ABHD8: variants seen among roughly 807,000 people sequenced by gnomAD.
The protein encoded by ABHD8 is protein ABHD8.
A neutral mutation model predicts 29.3 loss-of-function variants in ABHD8; 10 were observed. The ratio of observed to expected loss-of-function variants is 0.34; its 90% confidence interval spans 0.21 to 0.58. The LOEUF (loss-of-function observed/expected upper bound fraction) is 0.58, where lower values mean the gene tolerates loss of function less well. Among genes scored for constraint, ABHD8 ranks in the 20% least tolerant of loss-of-function variants. The pLI, the probability that ABHD8 is intolerant of heterozygous loss-of-function variation, is 0.85. For missense variants in ABHD8, 556 were observed against 615.3 expected, an observed-to-expected ratio of 0.90 and a Z score of 1.02; for synonymous variants, 282 against 274.6, an observed-to-expected ratio of 1.03 and a Z score of -0.27.
At position 17,294,415 on chromosome 19, in the gene ABHD8, A is replaced by G. The variant is rs754597785; in HGVS notation, c.1022T>C (p.Met341Thr). ...CTCGGGCCAGTACTGGCCGCTCATCATGGCCCGGAGTACGAAGGATGACAC... is the reference window on the plus strand; with the variant it reads ...CTCGGGCCAGTACTGGCCGCTCATCGTGGCCCGGAGTACGAAGGATGACAC... ...FNVSSFVLRAMMSGQYWPEGD... is the reference protein window; with the variant it reads ...FNVSSFVLRATMSGQYWPEGD... Residue 341 changes from methionine to threonine, a missense_variant, in exon 4 of 5, where the codon ATG (methionine) becomes ACG (threonine). By Grantham distance (81) the Met-to-Thr change is moderately conservative (BLOSUM62 -1). This residue lies in a region of ABHD8 where 270 missense variants were observed against 353.9 expected (regional missense o/e 0.76). Transcript: ENST00000247706. The G allele has an allele frequency of 6.2e-7, 1 of 1,614,054 alleles. No homozygotes were observed. Among genetic ancestry groups the G allele is most frequent in the Non-Finnish European group, 8.5e-7 (1 of 1,180,000 alleles).
intron 2 of ABHD8, chr19:17,298,243 C>T (rs1054088656): frequency 1.3e-5 from 2 of 152,044 alleles, no homozygotes; most frequent in Admixed American, 1.3e-4. Context: ...ATTGCATAGG[C>T]TAGAATCTCT....
At chr19:17,293,996 TC>T (rs1484925465) in intron 4 of ABHD8, among the ~76,000 whole-genome samples, 1 of 152,122 alleles carries the variant, frequency 6.6e-6, no homozygotes, top group African/African-American at 2.4e-5. Flanking sequence ...ATACAAATCC[TC>T]CGCTGTGAGG....
chr19:17,292,727 C>G lies in ABHD8; in HGVS notation c.1254G>C (p.Trp418Cys). The G allele has an allele frequency of 6.2e-7, 1 of 1,613,764 alleles. No homozygotes were observed. The highest frequency in any genetic ancestry group is 1.1e-5 in the South Asian group (1 of 90,994). ...GAGCCTTGGGCGAGGGCTCGGGCTCCCAGAGCAGGAATTCGTGGAGCAGCG... is the reference window on the plus strand; with the variant it reads ...GAGCCTTGGGCGAGGGCTCGGGCTCGCAGAGCAGGAATTCGTGGAGCAGCG... The part of the protein sequence containing the change: ...VNTLLHEFLL[W>C]EPEPSPKALP... The change falls in exon 5 of 5, where the codon TGG becomes TGC. Residue 418 changes from tryptophan (W) to cysteine (C), a missense_variant. Physicochemically the swap from Trp to Cys is radical, Grantham distance 215 (BLOSUM62 -2). Transcript: ENST00000247706.
intron 3 of ABHD8, 50 bp from the exon 4 acceptor site, chr19:17,294,554 C>T (rs764761766): frequency 1.2e-6 from 2 of 1,611,372 alleles, no homozygotes; most frequent in South Asian, 1.1e-5. Flanking sequence ...GCCCGACTGC[C>T]GTGGGGTGCC....
intron 2 of ABHD8, among the ~76,000 whole-genome samples, chr19:17,300,019 C>T (rs2074110495): frequency 6.6e-6 from 1 of 151,760 alleles, no homozygotes; most frequent in South Asian, 2.1e-4. Flanking sequence ...ATTCTCCTGC[C>T]TCAGCCTCCC....
chr19:17,294,907 G>A (rs1320860115), intron 2 of ABHD8, 62 bp from the exon 3 acceptor site: 4 of 1,570,224 alleles, frequency 2.5e-6, no homozygotes, highest in South Asian at 2.3e-5. Flanking sequence ...GATACAAGCA[G>A]TGACCATTTT....
rs2074119114 is a variant in ABHD8, at chr19:17,301,565, G to A, written c.52C>T (p.Pro18Ser). The A allele has an allele frequency of 1.3e-6, 2 of 1,598,822 alleles. No individual in the cohort carries two copies. The highest frequency in any genetic ancestry group is 1.7e-6 in the Non-Finnish European group (2 of 1,171,850). ...CTCTCCAGTGGCCCCACGGCGTTGG[G>A]GGGCGTGCCCAGCAGGCAACAGAAG... ...GIFCCLLGTP[P>S]NAVGPLESVE... The change falls in exon 2 of 5, where the codon CCC becomes TCC. Residue 18 changes from proline (P) to serine (S), a missense_variant. This residue lies in a region of ABHD8 where 286 missense variants were observed against 261.4 expected (regional missense o/e 1.09). Coordinates refer to ENST00000247706, the MANE Select transcript of ABHD8 (RefSeq NM_024527.5).
In ABHD8 at chr19:17,292,555, G is replaced by A. The variant is rs2074075356; in HGVS notation, c.*106C>T. Reference sequence around the variant, plus strand: ...TCTCCCTGACCTGGCCCCGCCCACCGGAGCGAACGGCCCGCCCAGGTGGTC... The same window carrying A: ...TCTCCCTGACCTGGCCCCGCCCACCAGAGCGAACGGCCCGCCCAGGTGGTC... On this transcript the variant is annotated 3_prime_UTR_variant, in exon 5 of 5. Coordinates refer to ENST00000247706, the MANE Select transcript of ABHD8 (RefSeq NM_024527.5). The A allele has an allele frequency of 7.6e-7, 1 of 1,308,844 alleles. No homozygotes were observed. Among genetic ancestry groups the A allele is most frequent in the Non-Finnish European group, 1.0e-6 (1 of 1,000,268 alleles). The allele number at this position is 1,308,844 out of a possible 1,614,324, so 81.1% of individuals were successfully genotyped here.
At chr19:17,301,689 GCACT>G in intron 1 of ABHD8, 65 bp from the exon 2 acceptor site, 1 of 1,449,194 alleles carries the variant, frequency 6.9e-7, no homozygotes, top group South Asian at 1.5e-5. Flanking sequence ...CGTGCAGCAG[GCACT>G]CCCTGAGCCT....
At position 17,301,162 on chromosome 19, in the gene ABHD8, C is replaced by T. The variant is rs2145659570; in HGVS notation, c.455G>A (p.Arg152Lys). The part of the protein sequence containing the change: ...SGSGGRRRRA[R>K]RPKRTIHIDC... Reference sequence around the variant, plus strand: ...AATATGGATGGTCCTCTTGGGGCGCCTGGCTCGCCGCCGCCGCCCACCACT... The same window carrying T: ...AATATGGATGGTCCTCTTGGGGCGCTTGGCTCGCCGCCGCCGCCCACCACT... The change falls in exon 2 of 5, where the codon AGG becomes AAG. Residue 152 changes from arginine (R) to lysine (K), a missense_variant. Physicochemically the swap from Arg to Lys is conservative, Grantham distance 26 (BLOSUM62 2). Coordinates refer to ENST00000247706, the MANE Select transcript of ABHD8 (RefSeq NM_024527.5). 6.2e-7 allele frequency: 1 copy of T among 1,610,580 alleles called. No homozygotes were observed. The highest frequency in any genetic ancestry group is 8.5e-7 in the Non-Finnish European group (1 of 1,179,562).
rs749014928 is a variant in ABHD8, at chr19:17,301,397, C to T, written c.220G>A (p.Gly74Ser). 5 of 1,611,900 alleles carry T rather than the reference C, an allele frequency of 3.1e-6. No individual in the cohort carries two copies. Among genetic ancestry groups the T allele is most frequent in the Non-Finnish European group, 4.2e-6 (5 of 1,179,908 alleles). The change falls in exon 2 of 5, where the codon GGC becomes AGC. Residue 74 changes from glycine (G) to serine (S), a missense_variant. Gly to Ser is a moderately conservative substitution (Grantham distance 56). This residue lies in a region of ABHD8 where 286 missense variants were observed against 261.4 expected (regional missense o/e 1.09). Coordinates refer to ENST00000247706, the MANE Select transcript of ABHD8 (RefSeq NM_024527.5). ...ATCCGGCGCTGACAGCGGACCAAGC[C>T]GGAGAGGTCCCCCTGGGCTGCATCC... is the stretch of plus-strand genomic sequence containing the variant. ...SSDAAQGDLS[G>S]LVRCQRRITV...
chr19:17,301,117 G>A lies in ABHD8; in HGVS notation c.500C>T (p.Thr167Ile). ...TIHIDCEKRITSCKGAQADVV... is the reference protein window; with the variant it reads ...TIHIDCEKRIISCKGAQADVV... The stretch of plus-strand genomic sequence containing the variant: ...GTCGGCCTGGGCGCCTTTGCAGCTA[G>A]TGATGCGCTTCTCACAGTCAATATG... The change falls in exon 2 of 5, where the codon ACT becomes ATT. Residue 167 changes from threonine (T) to isoleucine (I), a missense_variant. Physicochemically the swap from Thr to Ile is moderately conservative, Grantham distance 89. Around this residue, in one of 2 missense-constraint regions of ABHD8, gnomAD observed 286 missense variants for 261.4 expected, o/e 1.09. Coordinates refer to ENST00000247706, the MANE Select transcript of ABHD8 (RefSeq NM_024527.5). 1.2e-6 allele frequency: 2 copies of A among 1,613,150 alleles called. No homozygotes were observed. Among genetic ancestry groups the A allele is most frequent in the Non-Finnish European group, 1.7e-6 (2 of 1,180,012 alleles).
rs564118631 is a variant in ABHD8, at chr19:17,296,335, T to G, written c.762-1490A>C. On this transcript the variant is annotated intron_variant, in intron 2 of 4. Coordinates refer to ENST00000247706, the MANE Select transcript of ABHD8 (RefSeq NM_024527.5). The stretch of plus-strand genomic sequence containing the variant: ...TTCCAAAGTGTTAAGATTATAGATA[T>G]GAGCCACTGTGCCCGGCCCTCATCA... 3 of 152,376 alleles carry G rather than the reference T, an allele frequency of 2.0e-5. No individual in the cohort carries two copies. The East Asian group carries it at 5.8e-4, about 29-fold the overall frequency. 9.4% of individuals were successfully genotyped at this position (152,376 alleles called of 1,614,324 possible). A position where few individuals can be genotyped will look rare whatever the true frequency, so the allele number is the denominator to read the frequency against.
intron 2 of ABHD8, among the ~76,000 whole-genome samples, chr19:17,299,641 G>A (rs1039713034): frequency 1.6e-4 from 24 of 151,708 alleles, no homozygotes; most frequent in African/African-American, 5.8e-4. Flanking sequence ...AGGCTGAGGT[G>A]CAAGGATCAC....
At chr19:17,300,052 C>A (rs1476958684) in intron 2 of ABHD8, among the ~76,000 whole-genome samples, 3 of 151,360 alleles carry the variant, frequency 2.0e-5, no homozygotes, top group South Asian at 2.1e-4. Flanking sequence ...CTATAGGTGC[C>A]CACCACCACA....
rs2074085736 is a variant in ABHD8, at chr19:17,294,664, G to C, written c.932+11C>G. On this transcript the variant is annotated intron_variant, in intron 3 of 4. Transcript: ENST00000247706. Reference sequence around the variant, plus strand: ...GGCCAGGATCACGGTCTTTGGGGTGGGGACACTCACTTGAGGAAGCTCCAG... The same window carrying C: ...GGCCAGGATCACGGTCTTTGGGGTGCGGACACTCACTTGAGGAAGCTCCAG... The C allele has an allele frequency of 6.2e-7, 1 of 1,612,976 alleles. No individual in the cohort carries two copies. The highest frequency in any genetic ancestry group is 1.1e-5 in the South Asian group (1 of 91,050).
At chr19:17,301,896 C>G (rs1057238214) in intron 1 of ABHD8, among the ~76,000 whole-genome samples, 1 of 151,916 alleles carries the variant, frequency 6.6e-6, no homozygotes, top group Non-Finnish European at 1.5e-5. Context: ...TGGGTTCAAG[C>G]GATTCTCTTG....
chr19:17,294,090 A>G (rs1333691137), intron 4 of ABHD8, among the ~76,000 whole-genome samples, 198 bp downstream of exon 4: 1 of 151,986 alleles, frequency 6.6e-6, no homozygotes, highest in African/African-American at 2.4e-5. Context: ...TCTACTTCTG[A>G]TGCTAGACCT....
At chr19:17,301,776 TTG>T (rs10679164) in intron 1 of ABHD8, among the ~76,000 whole-genome samples, 152 bp from the exon 2 acceptor site, 51,472 of 147,208 alleles carry the variant, frequency 0.35, 9,230 homozygotes, top group South Asian at 0.43. Context: ...ATTTTTTTGT[TTG>T]TGTGTGTGTG....
Sources: gnomAD v4.1 joint callset for allele counts (sites outside exome capture counted in the v4.1 genomes callset) on GRCh38, gnomAD v4.1.1 for gene constraint, gnomAD v4.1.1 regional missense constraint, MANE v1.5 for transcripts, NCBI Gene and HGNC (gene_info 2026-07-23, HGNC 2026-07-21) for gene names.